Variants in SOCS2 observed in about 807,000 individuals in gnomAD.
The protein encoded by SOCS2 is CIS-2.
A neutral mutation model predicts 18.6 loss-of-function variants in SOCS2; 10 were observed. The observed-to-expected ratio is 0.54, with a 90% CI of 0.33 to 0.91. SOCS2 has a LOEUF of 0.91. SOCS2 is among the 40% of genes least tolerant of loss of function. The pLI is 0.02. For missense variants in SOCS2, 231 were observed against 247.2 expected (o/e 0.93, Z 0.44); for synonymous variants, 104 against 104.0 (o/e 1.00, Z 0.00).
the SOCS2 span, among the ~76,000 whole-genome samples, chr12:93,589,056 G>A: frequency 6.6e-6 from 1 of 152,160 alleles, no homozygotes; most frequent in African/African-American, 2.4e-5. Flanking sequence ...TCTTCCCAGT[G>A]CTATCATTAT....
chr12:93,574,167 C>A (rs1389499), intron 1 of SOCS2: 1 of 142,900 alleles, frequency 7.0e-6, no homozygotes, highest in Non-Finnish European at 1.5e-5. Context: ...GCAGTGCTTT[C>A]TACATAGAAG....
chr12:93,591,264 C>G, the SOCS2 span, among the ~76,000 whole-genome samples: 2 of 109,380 alleles, frequency 1.8e-5, no homozygotes, highest in East Asian at 5.4e-4. Context: ...AACGAACAAA[C>G]AAAAAAAAAA....
At chr12:93,574,143 A>G (rs1954372848) in intron 1 of SOCS2, 1 of 150,638 alleles carries the variant, frequency 6.6e-6, no homozygotes, top group Admixed American at 6.6e-5. Context: ...CTGTGCTTTT[A>G]CAACAAGTAC....
the SOCS2 span, among the ~76,000 whole-genome samples, chr12:93,602,560 T>C: frequency 6.6e-6 from 1 of 152,180 alleles, no homozygotes; most frequent in Admixed American, 6.5e-5. Flanking sequence ...CCAATTAAGA[T>C]TCAAAGGTAT....
the SOCS2 span, among the ~76,000 whole-genome samples, chr12:93,596,256 C>T: frequency 6.6e-6 from 1 of 152,214 alleles, no homozygotes; most frequent in Non-Finnish European, 1.5e-5. Context: ...TAACACCATG[C>T]TTGGCATGAA....
At chr12:93,571,819 TC>T, upstream of SOCS2, 1 of 209,640 alleles carries the variant, frequency 4.8e-6, no homozygotes, top group Admixed American at 6.6e-5. Context: ...CCCGGGCCCC[TC>T]CCACCTCCCC....
chr12:93,625,876 A>G, the SOCS2 span, among the ~76,000 whole-genome samples: 4 of 152,122 alleles, frequency 2.6e-5, no homozygotes, highest in Admixed American at 2.6e-4. Flanking sequence ...GCTCTGCGTC[A>G]GAACCCTGTA....
the SOCS2 span, among the ~76,000 whole-genome samples, chr12:93,615,136 T>C: frequency 6.6e-6 from 1 of 152,156 alleles, no homozygotes; most frequent in African/African-American, 2.4e-5. Flanking sequence ...TTTTCTGAGC[T>C]GCCTTATCAT....
chr12:93,603,820 A>G, the SOCS2 span, among the ~76,000 whole-genome samples: 1 of 152,272 alleles, frequency 6.6e-6, no homozygotes, highest in East Asian at 1.9e-4. Context: ...TCCAGGGTGG[A>G]ACCAGAAATG....
At chr12:93,604,775 T>A in the SOCS2 span, among the ~76,000 whole-genome samples, 1 of 152,148 alleles carries the variant, frequency 6.6e-6, no homozygotes, top group Non-Finnish European at 1.5e-5. Context: ...TCCTCCCTCC[T>A]CAGCCCCCAT....
the SOCS2 span, among the ~76,000 whole-genome samples, chr12:93,606,933 G>A: frequency 1.8e-4 from 27 of 152,316 alleles, no homozygotes; most frequent in Non-Finnish European, 3.5e-4. Flanking sequence ...CCTTACAGGC[G>A]TGAGCTACCA....
At chr12:93,603,756 T>C in the SOCS2 span, among the ~76,000 whole-genome samples, 18 of 152,162 alleles carry the variant, frequency 1.2e-4, no homozygotes, top group African/African-American at 4.1e-4. Context: ...ACGCAGCAGT[T>C]GTGTGGAATG....
the SOCS2 span, among the ~76,000 whole-genome samples, chr12:93,624,006 A>G: frequency 1.3e-5 from 2 of 152,196 alleles, no homozygotes; most frequent in African/African-American, 4.8e-5. Flanking sequence ...ACCCAGCCTG[A>G]GCCACTGCGC....
the SOCS2 span, among the ~76,000 whole-genome samples, chr12:93,607,240 A>G: frequency 6.6e-6 from 1 of 152,210 alleles, no homozygotes; most frequent in East Asian, 1.9e-4. Flanking sequence ...CAGATTTTCT[A>G]GGAATGGTTT....
At chr12:93,600,025 C>T in the SOCS2 span, among the ~76,000 whole-genome samples, 2 of 152,192 alleles carry the variant, frequency 1.3e-5, no homozygotes, top group East Asian at 1.9e-4. Flanking sequence ...TTTACATTTA[C>T]AATATTACTG....
chr12:93,591,382 A>C, the SOCS2 span, among the ~76,000 whole-genome samples: 1 of 152,098 alleles, frequency 6.6e-6, no homozygotes, highest in Non-Finnish European at 1.5e-5. Context: ...TAGTTAAGGG[A>C]GAATGAACAA....
the SOCS2 span, among the ~76,000 whole-genome samples, chr12:93,596,489 A>G: frequency 0.013 from 1,908 of 152,280 alleles, 14 homozygotes; most frequent in Middle Eastern, 0.031. Flanking sequence ...AGATAAGACT[A>G]CCAAGAGACC....
chr12:93,571,009 C>A (rs1205763921), upstream of SOCS2: 1 of 153,952 alleles, frequency 6.5e-6, no homozygotes, highest in South Asian at 2.0e-4. Flanking sequence ...TGGGAAGTCG[C>A]GCGCACTCGC....
the SOCS2 span, among the ~76,000 whole-genome samples, chr12:93,590,929 A>T: frequency 2.6e-5 from 4 of 151,262 alleles, no homozygotes; most frequent in Admixed American, 1.3e-4. Flanking sequence ...GAGAGTGATT[A>T]CCTGGTAATA....
Sources: gnomAD v4.1 joint callset for allele counts (sites outside exome capture counted in the v4.1 genomes callset) on GRCh38, gnomAD v4.1.1 for gene constraint, MANE v1.5 for transcripts, NCBI Gene and HGNC (gene_info 2026-07-23, HGNC 2026-07-21) for gene names.